Variants in SKAP1 observed in about 807,000 individuals in gnomAD.
SKAP1 encodes the protein src kinase-associated phosphoprotein 1.
A neutral mutation model predicts 58.5 loss-of-function variants in SKAP1; 44 were observed. The ratio of observed to expected loss-of-function variants is 0.75; its 90% CI spans 0.59 to 0.97. The LOEUF is 0.97. Among genes scored for constraint, SKAP1 ranks in the 50% least tolerant of loss-of-function variants. The pLI is 0.00. For synonymous variants in SKAP1, 127 were observed against 149.7 expected (o/e 0.85, Z 1.11); for missense variants, 390 against 435.2 (o/e 0.90, Z 0.92).
intron 2 of SKAP1, among the ~76,000 whole-genome samples, chr17:48,379,683 T>TTC (rs35341076): frequency 0.25 from 27,595 of 112,430 alleles, 2,352 homozygotes; most frequent in African/African-American, 0.29. Context: ...TATCTTCTTC[T>TTC]TTTTTTTTTT....
chr17:48,243,597 GT>G (rs1428471758), intron 4 of SKAP1, among the ~76,000 whole-genome samples: 3 of 152,100 alleles, frequency 2.0e-5, no homozygotes, highest in African/African-American at 7.2e-5. Flanking sequence ...TACATATATT[GT>G]GCTGATTGTT....
At chr17:48,268,229 A>T (rs2143965520) in intron 4 of SKAP1, among the ~76,000 whole-genome samples, 1 of 151,428 alleles carries the variant, frequency 6.6e-6, no homozygotes. Flanking sequence ...CCCTCCAAAT[A>T]CTGACCTGAA....
intron 4 of SKAP1, among the ~76,000 whole-genome samples, chr17:48,334,867 T>C (rs2066548637): frequency 6.6e-6 from 1 of 151,980 alleles, no homozygotes; most frequent in South Asian, 2.1e-4. Flanking sequence ...TAAAATTTTA[T>C]TCACATATCT....
chr17:48,387,949 G>A (rs369621087), intron 2 of SKAP1, among the ~76,000 whole-genome samples: 93 of 152,226 alleles, frequency 6.1e-4, no homozygotes, highest in African/African-American at 2.2e-3. Flanking sequence ...TGTTACTTAT[G>A]TCAGAAATAA....
intron 4 of SKAP1, among the ~76,000 whole-genome samples, chr17:48,204,914 G>A (rs572207050): frequency 6.6e-6 from 1 of 151,332 alleles, no homozygotes; most frequent in East Asian, 1.9e-4. Flanking sequence ...TACTTGTCAA[G>A]GAAATCCTTC....
chr17:48,140,850 G>C (rs978586519), intron 11 of SKAP1, among the ~76,000 whole-genome samples: 1 of 148,950 alleles, frequency 6.7e-6, no homozygotes, highest in African/African-American at 2.5e-5. Flanking sequence ...GTGATCTCAT[G>C]ATCTCGGCTG....
At chr17:48,383,922 C>T (rs1267305969) in intron 2 of SKAP1, among the ~76,000 whole-genome samples, 1 of 151,862 alleles carries the variant, frequency 6.6e-6, no homozygotes. Flanking sequence ...GATGGGGTTT[C>T]ACTATGTTGG....
rs540544935 is a variant in SKAP1 at position 48,336,393 on chromosome 17, T to C, written c.280+9512A>G. On this transcript the variant is annotated intron_variant, in intron 4 of 12. Coordinates refer to ENST00000336915, the MANE Select transcript of SKAP1 (RefSeq NM_003726.4). ...GAAAATATCAAGCAGTGTGATAAAA[T>C]ACCTAAGCACTGGAAGTATGACAGG... Among the ~76,000 whole-genome samples, 4 of 152,160 alleles carry C rather than the reference T, an allele frequency of 2.6e-5. No homozygotes were observed. In the East Asian group the frequency reaches 5.8e-4, roughly 22 times the overall value.
intron 12 of SKAP1, among the ~76,000 whole-genome samples, chr17:48,134,160 T>C (rs895628581): frequency 3.9e-5 from 6 of 152,240 alleles, no homozygotes; most frequent in Non-Finnish European, 5.9e-5. Flanking sequence ...GAATGTACTA[T>C]AGTTATTTGA....
At chr17:48,418,244 C>T (rs1001926956) in intron 1 of SKAP1, among the ~76,000 whole-genome samples, 5 of 152,148 alleles carry the variant, frequency 3.3e-5, no homozygotes, top group South Asian at 4.1e-4. Context: ...GAGCCGTAAT[C>T]GTGCCACTGC....
intron 2 of SKAP1, among the ~76,000 whole-genome samples, chr17:48,370,354 G>A (rs569000293): frequency 7.2e-5 from 11 of 152,184 alleles, no homozygotes; most frequent in African/African-American, 2.4e-4. Flanking sequence ...CACCTATGCT[G>A]GAGTGCTGTG....
At chr17:48,410,176 G>T (rs888173794) in intron 1 of SKAP1, among the ~76,000 whole-genome samples, 1 of 152,136 alleles carries the variant, frequency 6.6e-6, no homozygotes, top group Non-Finnish European at 1.5e-5. Flanking sequence ...ATGAATGGTG[G>T]GTGCCAGGTT....
At chr17:48,409,667 CAAA>C (rs35629210) in intron 1 of SKAP1, among the ~76,000 whole-genome samples, 6 of 94,614 alleles carry the variant, frequency 6.3e-5, no homozygotes, top group Admixed American at 1.1e-4. Flanking sequence ...GATCCTGTCT[CAAA>C]AAAAAAAAAA....
At chr17:48,327,931 C>T (rs760479047) in intron 4 of SKAP1, among the ~76,000 whole-genome samples, 1 of 152,140 alleles carries the variant, frequency 6.6e-6, no homozygotes, top group Non-Finnish European at 1.5e-5. Flanking sequence ...TGTGCCCCGC[C>T]GTGCCTCTGT....
intron 10 of SKAP1, among the ~76,000 whole-genome samples, chr17:48,168,282 G>C (rs2064164966): frequency 6.6e-6 from 1 of 152,162 alleles, no homozygotes; most frequent in African/African-American, 2.4e-5. Flanking sequence ...AACTCTGCTA[G>C]CCATAGCATC....
intron 2 of SKAP1, among the ~76,000 whole-genome samples, chr17:48,368,907 G>A (rs939202773): frequency 6.6e-5 from 10 of 152,116 alleles, no homozygotes; most frequent in Non-Finnish European, 8.8e-5. Context: ...TGTGGCTTGC[G>A]CCTGTAATCC....
intron 4 of SKAP1, among the ~76,000 whole-genome samples, chr17:48,230,774 G>T (rs1323450236): frequency 2.0e-5 from 3 of 151,986 alleles, no homozygotes; most frequent in Admixed American, 1.3e-4. Flanking sequence ...ATTGTTTTAT[G>T]AGTGAGTAAG....
intron 4 of SKAP1, among the ~76,000 whole-genome samples, chr17:48,198,994 C>A (rs1056540972): frequency 6.6e-6 from 1 of 152,172 alleles, no homozygotes; most frequent in Admixed American, 6.5e-5. Flanking sequence ...TCGACGTATT[C>A]CCCCTGAGTC....
At chr17:48,369,047 G>A (rs1000173606) in intron 2 of SKAP1, among the ~76,000 whole-genome samples, 5 of 151,838 alleles carry the variant, frequency 3.3e-5, no homozygotes, top group Non-Finnish European at 7.4e-5. Flanking sequence ...CTTGGGAGTC[G>A]GAGGCAGGAG....
Sources: gnomAD v4.1 joint callset for allele counts (sites outside exome capture counted in the v4.1 genomes callset) on GRCh38, gnomAD v4.1.1 for gene constraint, MANE v1.5 for transcripts, NCBI Gene and HGNC (gene_info 2026-07-23, HGNC 2026-07-21) for gene names.